The following IPO8 variants were observed in gnomAD, a reference collection of about 807,000 sequenced individuals.
IPO8 encodes importin 8.
A neutral mutation model predicts 141.2 loss-of-function variants in IPO8; 65 were observed. The observed-to-expected ratio is 0.46, with a 90% CI of 0.38 to 0.57. IPO8 has a LOEUF of 0.57. Ranked by LOEUF, IPO8 falls within the 20% of genes least tolerant of loss-of-function variation. The pLI, the probability that IPO8 is intolerant of heterozygous loss-of-function variation, is 0.00. For missense variants in IPO8, 980 were observed against 1,246.8 expected (o/e 0.79, Z 3.22); for synonymous variants, 411 against 420.3 (o/e 0.98, Z 0.27).
intron 24 of IPO8, 169 bp downstream of exon 24, chr12:30,631,726 T>A (rs1179561635): frequency 3.5e-6 from 2 of 568,362 alleles, no homozygotes; most frequent in Admixed American, 6.1e-5. Context: ...AGCTAAGACA[T>A]CATGAGTGAT....
intron 9 of IPO8, 124 bp downstream of exon 9, chr12:30,670,838 G>T: frequency 1.4e-6 from 1 of 730,172 alleles, no homozygotes; most frequent in Non-Finnish European, 2.0e-6. Context: ...TCACTCATTA[G>T]AAATTATTAA....
intron 11 of IPO8, 93 bp downstream of exon 11, chr12:30,666,082 C>T (rs1010491685): frequency 4.4e-5 from 38 of 861,452 alleles, no homozygotes; most frequent in Non-Finnish European, 6.5e-5. Flanking sequence ...TAACGAATAA[C>T]AACATAATTT....
At chr12:30,690,625 T>C (rs995807324) in intron 1 of IPO8, 48 bp from the exon 2 acceptor site, 3 of 1,033,714 alleles carry the variant, frequency 2.9e-6, no homozygotes, top group Non-Finnish European at 2.9e-6. Context: ...TATAAGTGAG[T>C]AGCTTATAAG....
intron 1 of IPO8, among the ~76,000 whole-genome samples, chr12:30,693,551 A>T (rs565760527): frequency 6.6e-6 from 1 of 152,328 alleles, no homozygotes; most frequent in South Asian, 2.1e-4. Context: ...GTGGACCATA[A>T]CCACTTATGG....
At chr12:30,646,727 C>A (rs1012537286) in intron 20 of IPO8, among the ~76,000 whole-genome samples, 1 of 151,824 alleles carries the variant, frequency 6.6e-6, no homozygotes, top group African/African-American at 2.4e-5. Context: ...TTTACAATAG[C>A]GTCAAAAAGA....
At chr12:30,671,146 A>C in intron 8 of IPO8, 50 bp from the exon 9 acceptor site, 2 of 1,307,392 alleles carry the variant, frequency 1.5e-6, no homozygotes, top group Non-Finnish European at 2.2e-6. Flanking sequence ...ATAAGGTTAA[A>C]AGGGGGAGGT....
chr12:30,638,873 G>A (rs572530793), intron 21 of IPO8, among the ~76,000 whole-genome samples: 9 of 152,118 alleles, frequency 5.9e-5, no homozygotes, highest in South Asian at 2.1e-4. Flanking sequence ...GGGTTTCACC[G>A]TGTTAGCCAG....
chr12:30,649,986 T>G (rs1219206200), intron 19 of IPO8, among the ~76,000 whole-genome samples: 1 of 150,668 alleles, frequency 6.6e-6, no homozygotes, highest in Non-Finnish European at 1.5e-5. Flanking sequence ...GCCAGAAATT[T>G]AAAATATAGA....
At chr12:30,661,782 G>T (rs1335308639) in intron 15 of IPO8, among the ~76,000 whole-genome samples, 1 of 151,978 alleles carries the variant, frequency 6.6e-6, no homozygotes, top group Non-Finnish European at 1.5e-5. Context: ...TGAAGGAAAT[G>T]AGCTTCCTGA....
At chr12:30,670,247 C>A (rs1212430069) in intron 9 of IPO8, among the ~76,000 whole-genome samples, 2 of 152,134 alleles carry the variant, frequency 1.3e-5, no homozygotes, top group African/African-American at 4.8e-5. Flanking sequence ...CACTAAAATT[C>A]TATCCTGGAC....
At chr12:30,685,398 CA>C (rs1472723155) in intron 2 of IPO8, among the ~76,000 whole-genome samples, 1 of 151,672 alleles carries the variant, frequency 6.6e-6, no homozygotes, top group African/African-American at 2.4e-5. Flanking sequence ...CTCGGCCTCC[CA>C]AAGTGCTAGG....
Position 30,666,306 on chromosome 12 carries a change from G to C in IPO8, c.1145-55C>G, listed in dbSNP as rs141512995. ...AGTGAAAATATAATTACTTATTCTAGATTTTAAACCTGACTGACCGCTATT... is the reference window on the plus strand; with the variant it reads ...AGTGAAAATATAATTACTTATTCTACATTTTAAACCTGACTGACCGCTATT... On this transcript the variant is annotated intron_variant, in intron 10 of 24. Transcript: ENST00000256079. 3,838 of 1,315,676 alleles carry C rather than the reference G, an allele frequency of 2.9e-3. 9 individuals are homozygous for C. Among genetic ancestry groups the C allele is most frequent in the Non-Finnish European group, 3.5e-3 (3,329 of 946,032 alleles). 81.5% of individuals were successfully genotyped at this position (1,315,676 alleles called of 1,614,324 possible).
chr12:30,638,893 G>T (rs749335317), intron 21 of IPO8, among the ~76,000 whole-genome samples: 4 of 152,024 alleles, frequency 2.6e-5, no homozygotes, highest in Non-Finnish European at 4.4e-5. Flanking sequence ...GAATGGTCTC[G>T]ATCTCCTGAC....
At chr12:30,631,551 C>T (rs1418246883) in intron 24 of IPO8, 1 of 181,572 alleles carries the variant, frequency 5.5e-6, no homozygotes. Flanking sequence ...TCGTCAAGTC[C>T]CTTTGGCCCA....
intron 20 of IPO8, among the ~76,000 whole-genome samples, chr12:30,641,630 T>A (rs764822625): frequency 6.6e-6 from 1 of 152,032 alleles, no homozygotes; most frequent in Non-Finnish European, 1.5e-5. Flanking sequence ...TTTTAATAAC[T>A]TTAAAATTTA....
At chr12:30,639,216 CCAGA>C (rs1311027901) in intron 21 of IPO8, among the ~76,000 whole-genome samples, 9 of 151,916 alleles carry the variant, frequency 5.9e-5, no homozygotes, top group African/African-American at 1.7e-4. Flanking sequence ...ATCATGGAAC[CCAGA>C]CAGACAACTA....
chr12:30,686,291 T>C (rs1473079304), intron 2 of IPO8: 4 of 152,172 alleles, frequency 2.6e-5, no homozygotes, highest in South Asian at 2.1e-4. Flanking sequence ...CAAAAAATAA[T>C]GAATGAATGA....
At chr12:30,676,651 C>T in intron 5 of IPO8, 64 bp from the exon 6 acceptor site, 2 of 1,191,854 alleles carry the variant, frequency 1.7e-6, no homozygotes, top group Non-Finnish European at 2.5e-6. Context: ...GCAATTTTAT[C>T]TATATTGTAA....
chr12:30,672,379 T>C (rs1377749601), intron 8 of IPO8, among the ~76,000 whole-genome samples: 1 of 152,176 alleles, frequency 6.6e-6, no homozygotes, highest in Non-Finnish European at 1.5e-5. Flanking sequence ...ATACTGAACA[T>C]GATTCTTTCT....
Sources: allele counts gnomAD v4.1 joint callset (sites outside exome capture counted in the v4.1 genomes callset), GRCh38; gene constraint gnomAD v4.1.1; transcripts MANE v1.5; gene names NCBI Gene and HGNC (gene_info 2026-07-23, HGNC 2026-07-21).